The following DACH2 variants were observed in gnomAD, a reference collection of about 807,000 sequenced individuals.
The protein encoded by DACH2 is dachshund homolog 2.
A neutral mutation model predicts 35.8 loss-of-function variants in DACH2; 17 were observed. The ratio of observed to expected loss-of-function variants is 0.48; its 90% CI spans 0.33 to 0.71. DACH2 has a LOEUF of 0.71. Ranked by LOEUF, DACH2 falls within the 30% of genes least tolerant of loss-of-function variation. DACH2 has a pLI of 0.02. For synonymous variants in DACH2, 195 were observed against 177.3 expected, an observed-to-expected ratio of 1.10 and a Z score of -0.79; for missense variants, 469 against 472.7, an observed-to-expected ratio of 0.99 and a Z score of 0.07.
chrX:86,471,454 C>G (rs1307213057), intron 2 of DACH2, among the ~76,000 whole-genome samples: 1 of 111,243 alleles, frequency 9.0e-6, no homozygotes, highest in Non-Finnish European at 1.9e-5. Flanking sequence ...TGCTTTTTCA[C>G]CTAGGAAATA....
chrX:86,720,594 T>C (rs767972343), intron 6 of DACH2, among the ~76,000 whole-genome samples: 9 of 112,420 alleles, frequency 8.0e-5, no homozygotes, highest in Non-Finnish European at 1.7e-4. Flanking sequence ...CCCCTGTGTC[T>C]TCACAGGGTA....
chrX:86,597,397 C>T (rs1052216300), intron 3 of DACH2, among the ~76,000 whole-genome samples: 3 of 111,909 alleles, frequency 2.7e-5, no homozygotes, highest in Non-Finnish European at 5.6e-5. Context: ...AAACTACTTT[C>T]TAATTTTCCT....
intron 2 of DACH2, among the ~76,000 whole-genome samples, chrX:86,503,405 A>T (rs941207774): frequency 8.9e-6 from 1 of 112,544 alleles, no homozygotes; most frequent in Non-Finnish European, 1.9e-5. Context: ...ATTTGAATCT[A>T]AAGTTAACTA....
intron 1 of DACH2, among the ~76,000 whole-genome samples, chrX:86,254,807 T>TATATATATATATATATAGAGAGAG (rs1380613474): frequency 4.0e-5 from 2 of 49,650 alleles, no homozygotes; most frequent in African/African-American, 2.3e-4. Flanking sequence ...TATATATATA[T>TATATATATATATATATAGAGAGAG]AGAGAGAGAG....
At position 86,774,738 on chromosome X, in the gene DACH2, A is replaced by C. The variant is rs762386625; in HGVS notation, c.1240+34856A>C. Among the ~76,000 whole-genome samples the C allele has an allele frequency of 4.5e-5, 5 of 112,156 alleles. No individual in the cohort carries two copies. In the East Asian group the frequency reaches 1.4e-3, roughly 32 times the overall value. The stretch of plus-strand genomic sequence containing the variant: ...AGGCATTAGCTGTGTTTTATTTCAC[A>C]AAAGTTCATTGAGAAAAGCAATTAT... On this transcript the variant is annotated intron_variant, in intron 7 of 11. Coordinates refer to ENST00000373125, the MANE Select transcript of DACH2 (RefSeq NM_053281.3).
chrX:86,547,330 C>G (rs986042885), intron 3 of DACH2, among the ~76,000 whole-genome samples: 3 of 111,675 alleles, frequency 2.7e-5, no homozygotes, highest in African/African-American at 9.8e-5. Flanking sequence ...GCCAGTGGGA[C>G]TATTATGTAT....
At chrX:86,558,041 T>C (rs1430900259) in intron 3 of DACH2, among the ~76,000 whole-genome samples, 1 of 16,563 alleles carries the variant, frequency 6.0e-5, no homozygotes, top group Middle Eastern at 0.019. Flanking sequence ...ATGCTTCCAG[T>C]TTTTGCCCAT....
intron 1 of DACH2, among the ~76,000 whole-genome samples, chrX:86,180,175 C>CATATATAT (rs1569292909): frequency 7.2e-3 from 112 of 15,586 alleles, no homozygotes; most frequent in African/African-American, 0.026. Context: ...CATGCTAAAC[C>CATATATAT]GTATATATAT....
At chrX:86,208,609 G>T (rs917070505) in intron 1 of DACH2, among the ~76,000 whole-genome samples, 1 of 111,405 alleles carries the variant, frequency 9.0e-6, no homozygotes, top group Admixed American at 9.6e-5. Context: ...AAATAAATTG[G>T]TGAGTTATAG....
At chrX:86,663,272 T>C (rs776737975) in intron 4 of DACH2, among the ~76,000 whole-genome samples, 1 of 111,825 alleles carries the variant, frequency 8.9e-6, no homozygotes, top group Admixed American at 9.5e-5. Flanking sequence ...CTAAAGAGTA[T>C]GTTTCCTTTC....
intron 1 of DACH2, among the ~76,000 whole-genome samples, chrX:86,311,902 A>G (rs2034807799): frequency 9.0e-6 from 1 of 111,495 alleles, no homozygotes; most frequent in Non-Finnish European, 1.9e-5. Flanking sequence ...GAGATCCATT[A>G]GGGCGTCTTT....
chrX:86,222,558 A>G (rs5968833), intron 1 of DACH2, among the ~76,000 whole-genome samples: 19,886 of 110,670 alleles, frequency 0.18, 4,386 homozygotes, highest in African/African-American at 0.62. Flanking sequence ...TGGGGCATGG[A>G]GTCAGTTATT....
chrX:86,160,451 C>A, intron 1 of DACH2: 1 of 534,418 alleles, frequency 1.9e-6, no homozygotes, highest in Admixed American at 2.5e-5. Flanking sequence ...GAATTTAGAG[C>A]CATCTTCCAG....
chrX:86,575,385 G>A (rs779183435), intron 3 of DACH2, among the ~76,000 whole-genome samples: 52 of 111,210 alleles, frequency 4.7e-4, no homozygotes, highest in Non-Finnish European at 8.9e-4. Flanking sequence ...AAGTGACCAT[G>A]ATTTCAATAA....
At chrX:86,388,312 A>G (rs914797043) in intron 2 of DACH2, among the ~76,000 whole-genome samples, 7 of 111,933 alleles carry the variant, frequency 6.3e-5, no homozygotes, top group Non-Finnish European at 1.3e-4. Context: ...GAGTTATGGA[A>G]AGGATCTCTT....
At chrX:86,605,847 T>C (rs1338308862) in intron 3 of DACH2, among the ~76,000 whole-genome samples, 1 of 111,003 alleles carries the variant, frequency 9.0e-6, no homozygotes. Flanking sequence ...ATTGAGTCTG[T>C]TGATGTCACA....
intron 1 of DACH2, among the ~76,000 whole-genome samples, chrX:86,229,957 A>G (rs551020098): frequency 4.5e-4 from 50 of 110,744 alleles, no homozygotes; most frequent in African/African-American, 1.6e-3. Flanking sequence ...GATGCCCTTT[A>G]TCTTTTTCTC....
chrX:86,597,973 G>A (rs2039734418), intron 3 of DACH2, among the ~76,000 whole-genome samples: 1 of 111,706 alleles, frequency 9.0e-6, no homozygotes, highest in South Asian at 3.7e-4. Flanking sequence ...AATCATGGTG[G>A]AAGGTGAAAG....
intron 1 of DACH2, among the ~76,000 whole-genome samples, chrX:86,366,792 C>T (rs960750287): frequency 2.8e-4 from 31 of 109,415 alleles, no homozygotes; most frequent in African/African-American, 9.7e-4. Flanking sequence ...TGCGACCCCA[C>T]CCCCCTTTTT....
Sources: gnomAD v4.1 joint callset for allele counts (sites outside exome capture counted in the v4.1 genomes callset) on GRCh38, gnomAD v4.1.1 for gene constraint, MANE v1.5 for transcripts, NCBI Gene and HGNC (gene_info 2026-07-23, HGNC 2026-07-21) for gene names.